The following SNTG1 variants were observed in gnomAD, a reference collection of about 807,000 sequenced individuals.
SNTG1 encodes the protein syntrophin gamma 1.
In SNTG1, 39 loss-of-function variants were observed where a neutral mutation model predicts 74.7. That is an observed-to-expected ratio of 0.52 (90% confidence interval 0.40 to 0.68). The LOEUF is 0.68. SNTG1 is among the 30% of genes least tolerant of loss of function. The pLI is 0.00. For synonymous variants in SNTG1, 254 were observed against 217.1 expected, an observed-to-expected ratio of 1.17 and a Z score of -1.49; for missense variants, 685 against 609.5, an observed-to-expected ratio of 1.12 and a Z score of -1.30.
chr8:50,602,633 A>G (rs2094783189), intron 13 of SNTG1, among the ~76,000 whole-genome samples: 1 of 152,154 alleles, frequency 6.6e-6, no homozygotes, highest in Non-Finnish European at 1.5e-5. Flanking sequence ...CTTGTTCATT[A>G]ACATCATTTT....
chr8:50,414,980 A>C (rs1259854996), intron 4 of SNTG1, among the ~76,000 whole-genome samples: 2 of 152,200 alleles, frequency 1.3e-5, no homozygotes, highest in African/African-American at 2.4e-5. Flanking sequence ...GTGAACAATA[A>C]AGATGGCTGT....
chr8:50,446,047 G>A (rs1156347074), intron 5 of SNTG1, among the ~76,000 whole-genome samples: 4 of 152,184 alleles, frequency 2.6e-5, no homozygotes, highest in Admixed American at 1.3e-4. Flanking sequence ...CAGGTTCAGG[G>A]CGATGGAGGT....
intron 15 of SNTG1, among the ~76,000 whole-genome samples, chr8:50,692,170 T>A (rs1383141129): frequency 6.6e-6 from 1 of 152,156 alleles, no homozygotes; most frequent in Non-Finnish European, 1.5e-5. Flanking sequence ...TTCAAAGCTT[T>A]TAACTTCTTT....
intron 1 of SNTG1, among the ~76,000 whole-genome samples, chr8:50,085,627 C>T (rs1586201588): frequency 6.6e-6 from 1 of 152,306 alleles, no homozygotes; most frequent in East Asian, 1.9e-4. Context: ...AGTAGACAAT[C>T]TGTGCTGCAG....
chr8:50,752,960 G>C (rs894361166), intron 18 of SNTG1, among the ~76,000 whole-genome samples: 1 of 151,810 alleles, frequency 6.6e-6, no homozygotes, highest in Non-Finnish European at 1.5e-5. Flanking sequence ...ACTTGTCTTT[G>C]GACTCATCTT....
intron 18 of SNTG1, among the ~76,000 whole-genome samples, chr8:50,779,138 A>G (rs994311277): frequency 1.3e-5 from 2 of 152,160 alleles, no homozygotes; most frequent in African/African-American, 4.8e-5. Flanking sequence ...AGGTAGTGTG[A>G]TGCCTCCAGC....
At chr8:50,607,395 C>T (rs2094820464) in intron 13 of SNTG1, among the ~76,000 whole-genome samples, 1 of 151,446 alleles carries the variant, frequency 6.6e-6, no homozygotes, top group African/African-American at 2.4e-5. Flanking sequence ...TTTAAAAGTA[C>T]AGAGCTATTC....
intron 13 of SNTG1, among the ~76,000 whole-genome samples, chr8:50,630,784 A>G (rs984061396): frequency 6.6e-6 from 1 of 152,240 alleles, no homozygotes; most frequent in African/African-American, 2.4e-5. Flanking sequence ...GTGCAAGTGA[A>G]GGACAACTGT....
At chr8:50,754,893 TAA>T (rs1282265303) in intron 18 of SNTG1, among the ~76,000 whole-genome samples, 2 of 151,942 alleles carry the variant, frequency 1.3e-5, no homozygotes, top group Non-Finnish European at 2.9e-5. Context: ...TTATTTCCCT[TAA>T]GTCTTTCTCT....
chr8:49,992,570 C>T (rs774640267), intron 1 of SNTG1, among the ~76,000 whole-genome samples: 1 of 152,128 alleles, frequency 6.6e-6, no homozygotes, highest in African/African-American at 2.4e-5. Context: ...GCCTCAGCAA[C>T]CTTGTTACCT....
chr8:50,739,614 T>C (rs1314658420), intron 17 of SNTG1, among the ~76,000 whole-genome samples: 1 of 151,794 alleles, frequency 6.6e-6, no homozygotes, highest in Non-Finnish European at 1.5e-5. Context: ...GAAAACAACA[T>C]AGATAATGGA....
In SNTG1 at chr8:50,089,367, C is replaced by A. The variant is rs1353337722; in HGVS notation, c.-102-83194C>A. On this transcript the variant is annotated intron_variant, in intron 1 of 18. Coordinates refer to ENST00000642720, the MANE Select transcript of SNTG1 (RefSeq NM_018967.5). ...ATGGGCAAGGACTTCATGTCTAAAA[C>A]ACCAAAAGCAATGGCAACAAAAGCC... is the stretch of plus-strand genomic sequence containing the variant. 7.3e-5 allele frequency among the ~76,000 whole-genome samples: 11 copies of A among 150,184 alleles called. 1 individual carries two copies. The highest frequency in any genetic ancestry group is 2.2e-4 in the African/African-American group (9 of 41,008).
chr8:50,150,892 C>T (rs1426488000), intron 1 of SNTG1, among the ~76,000 whole-genome samples: 1 of 152,094 alleles, frequency 6.6e-6, no homozygotes. Flanking sequence ...GTGTCTCTGC[C>T]AGGCTTTGGT....
chr8:50,583,626 C>G (rs190928300), intron 12 of SNTG1, among the ~76,000 whole-genome samples: 1 of 151,554 alleles, frequency 6.6e-6, no homozygotes, highest in Admixed American at 6.6e-5. Context: ...TGCAGTAATA[C>G]GAATTTTCTT....
intron 2 of SNTG1, among the ~76,000 whole-genome samples, chr8:50,258,181 T>A (rs942921154): frequency 2.4e-4 from 37 of 152,212 alleles, no homozygotes; most frequent in Admixed American, 6.5e-5. Flanking sequence ...TTATTTAAAA[T>A]GCTGAGTTTT....
At chr8:50,131,444 A>T (rs2081313823) in intron 1 of SNTG1, among the ~76,000 whole-genome samples, 1 of 152,062 alleles carries the variant, frequency 6.6e-6, no homozygotes. Context: ...TGTCTGGTTT[A>T]TTTCACTCAG....
At chr8:50,184,627 T>A (rs1350440523) in intron 2 of SNTG1, among the ~76,000 whole-genome samples, 1 of 152,198 alleles carries the variant, frequency 6.6e-6, no homozygotes, top group East Asian at 1.9e-4. Flanking sequence ...CTATTACAAA[T>A]AGGTCTTAAC....
intron 1 of SNTG1, among the ~76,000 whole-genome samples, chr8:50,071,828 A>AC (rs10682116): frequency 2.6e-5 from 4 of 151,502 alleles, no homozygotes; most frequent in Non-Finnish European, 5.9e-5. Flanking sequence ...AAAAAAAAAA[A>AC]CCTAAGATTA....
intron 16 of SNTG1, chr8:50,708,610 G>T: frequency 2.9e-6 from 1 of 350,062 alleles, no homozygotes; most frequent in Non-Finnish European, 5.1e-6. Context: ...ACACAGCAAA[G>T]ACAGACAGTG....
Sources: allele counts gnomAD v4.1 joint callset (sites outside exome capture counted in the v4.1 genomes callset), GRCh38; gene constraint gnomAD v4.1.1; transcripts MANE v1.5; gene names NCBI Gene and HGNC (gene_info 2026-07-23, HGNC 2026-07-21).